The following SORCS2 variants were observed in gnomAD, a reference collection of about 807,000 sequenced individuals.
SORCS2 encodes the protein VPS10 domain-containing receptor SorCS2.
A neutral mutation model predicts 141.6 loss-of-function variants in SORCS2; 100 were observed. The ratio of observed to expected loss-of-function variants is 0.71; its 90% confidence interval spans 0.60 to 0.83. The LOEUF is 0.83. Ranked by LOEUF, SORCS2 falls within the 40% of genes least tolerant of loss-of-function variation. The pLI, the probability that SORCS2 is intolerant of heterozygous loss-of-function variation, is 0.00. For synonymous variants in SORCS2, 789 were observed against 676.9 expected (o/e 1.17, Z -2.57); for missense variants, 1,646 against 1,560.2 (o/e 1.05, Z -0.93).
intron 3 of SORCS2, among the ~76,000 whole-genome samples, chr4:7,586,734 A>T (rs534804650): frequency 1.1e-4 from 17 of 152,254 alleles, no homozygotes; most frequent in African/African-American, 3.9e-4. Context: ...TCTATCATGG[A>T]TGGGCATTTG....
At chr4:7,646,683 C>T (rs147574800) in intron 4 of SORCS2, among the ~76,000 whole-genome samples, 6 of 152,210 alleles carry the variant, frequency 3.9e-5, no homozygotes, top group Middle Eastern at 3.4e-3. Flanking sequence ...CACATAAAGA[C>T]GAGGGAGAAG....
intron 10 of SORCS2, among the ~76,000 whole-genome samples, chr4:7,685,382 A>G (rs1294703447): frequency 6.6e-6 from 1 of 152,174 alleles, no homozygotes; most frequent in African/African-American, 2.4e-5. Context: ...ATCAAATTAC[A>G]GCCTCACGGG....
chr4:7,630,150 A>C (rs1719788993), intron 3 of SORCS2, among the ~76,000 whole-genome samples: 1 of 152,162 alleles, frequency 6.6e-6, no homozygotes, highest in African/African-American at 2.4e-5. Context: ...GTTCATACGC[A>C]GACTGTGAGG....
chr4:7,418,221 T>C (rs1352685956), intron 2 of SORCS2, among the ~76,000 whole-genome samples: 1 of 152,232 alleles, frequency 6.6e-6, no homozygotes, highest in Non-Finnish European at 1.5e-5. Context: ...ACACAGCCTC[T>C]GTCCCCATGG....
intron 25 of SORCS2, among the ~76,000 whole-genome samples, chr4:7,735,063 C>G (rs2148900658): frequency 6.6e-6 from 1 of 152,378 alleles, no homozygotes; most frequent in Non-Finnish European, 1.5e-5. Flanking sequence ...AGGGGCTGGA[C>G]AACTTGAAGT....
At chr4:7,600,075 G>C (rs1442133350) in intron 3 of SORCS2, among the ~76,000 whole-genome samples, 1 of 152,030 alleles carries the variant, frequency 6.6e-6, no homozygotes, top group East Asian at 1.9e-4. Flanking sequence ...ACCCACCTTG[G>C]CCTCCCAAAC....
At chr4:7,429,111 C>G (rs1489827442) in intron 2 of SORCS2, among the ~76,000 whole-genome samples, 2 of 152,186 alleles carry the variant, frequency 1.3e-5, no homozygotes, top group Non-Finnish European at 2.9e-5. Context: ...TGACTTTTGA[C>G]TTGGTGCACT....
At chr4:7,216,735 T>C (rs1397245317) in intron 1 of SORCS2, among the ~76,000 whole-genome samples, 1 of 152,026 alleles carries the variant, frequency 6.6e-6, no homozygotes, top group Non-Finnish European at 1.5e-5. Context: ...CAGGCTCCTC[T>C]CCCTTCCCTA....
chr4:7,360,471 C>A (rs1228520843), intron 1 of SORCS2, among the ~76,000 whole-genome samples: 1 of 151,660 alleles, frequency 6.6e-6, no homozygotes, highest in African/African-American at 2.4e-5. Flanking sequence ...GGATGGCTCT[C>A]CCTGAGGCTG....
chr4:7,402,483 C>T (rs1197056111), intron 2 of SORCS2, among the ~76,000 whole-genome samples: 1 of 152,138 alleles, frequency 6.6e-6, no homozygotes, highest in Admixed American at 6.5e-5. Context: ...TTTATGTGCC[C>T]AACTTTGTTT....
At chr4:7,622,638 A>G (rs1420323425) in intron 3 of SORCS2, among the ~76,000 whole-genome samples, 1 of 152,074 alleles carries the variant, frequency 6.6e-6, no homozygotes, top group African/African-American at 2.4e-5. Context: ...CTCTGTCATG[A>G]GTGCTCTGGC....
chr4:7,314,631 A>T (rs1420947047), intron 1 of SORCS2, among the ~76,000 whole-genome samples: 2 of 151,930 alleles, frequency 1.3e-5, no homozygotes, highest in African/African-American at 4.8e-5. Context: ...GAGCCACCGC[A>T]CCCGGCCAAT....
At position 7,286,622 on chromosome 4, in the gene SORCS2, A is replaced by G. The variant is rs1409574498; in HGVS notation, c.480+93496A>G. ...CCCCCGTATCTTACGGATGGAGGAC[A>G]CAGGCCCAGGGAGGGAGGTGCTCAT... On this transcript the variant is annotated intron_variant, in intron 1 of 26. Coordinates refer to ENST00000507866, the MANE Select transcript of SORCS2 (RefSeq NM_020777.3). This position sits in a 1 kb window ranked among gnomAD's most constrained non-coding sequence, Gnocchi z 4.1. Among the ~76,000 whole-genome samples the G allele has an allele frequency of 6.6e-6, 1 of 152,176 alleles. No individual in the cohort carries two copies. The highest frequency in any genetic ancestry group is 1.5e-5 in the Non-Finnish European group (1 of 68,030).
At chr4:7,309,177 C>T (rs958047394) in intron 1 of SORCS2, among the ~76,000 whole-genome samples, 6 of 152,292 alleles carry the variant, frequency 3.9e-5, no homozygotes, top group South Asian at 4.1e-4. Flanking sequence ...TGGCACCTCC[C>T]GTGCTGCAGG....
intron 3 of SORCS2, among the ~76,000 whole-genome samples, chr4:7,565,105 C>A (rs1254975356): frequency 1.3e-5 from 2 of 152,188 alleles, no homozygotes; most frequent in African/African-American, 4.8e-5. Flanking sequence ...GGCTTCCTGG[C>A]ATTTCTGGAT....
At chr4:7,612,603 C>T (rs576144444) in intron 3 of SORCS2, among the ~76,000 whole-genome samples, 58 of 152,278 alleles carry the variant, frequency 3.8e-4, no homozygotes, top group African/African-American at 1.3e-3. Flanking sequence ...CTGGGCCCCA[C>T]GCAGTGACTC....
At chr4:7,434,617 A>G (rs377578215) in intron 2 of SORCS2, 1 of 1,613,332 alleles carries the variant, frequency 6.2e-7, no homozygotes, top group African/African-American at 1.3e-5. Context: ...CACCAAAGCC[A>G]GGATGTCAGA....
intron 5 of SORCS2, 43 bp from the exon 6 acceptor site, chr4:7,661,457 G>A: frequency 6.5e-7 from 1 of 1,547,966 alleles, no homozygotes; most frequent in Non-Finnish European, 8.7e-7. Context: ...GGACGGGCAT[G>A]GTGACTCCAT....
rs572904055 is a variant in SORCS2, at chr4:7,523,498, G to C, written c.549-8032G>C. Among the ~76,000 whole-genome samples, 8 of 152,232 alleles carry C rather than the reference G, an allele frequency of 5.3e-5. No homozygotes were observed. In the East Asian group the frequency reaches 1.6e-3, roughly 30 times the overall value. On this transcript the variant is annotated intron_variant, in intron 2 of 26. Coordinates refer to ENST00000507866, the MANE Select transcript of SORCS2 (RefSeq NM_020777.3). ...GGGAGATCTGTGTGGGCTTCAGGAG[G>C]GGGTAGTACTGGGTTTGGAGTTGAT... is the stretch of plus-strand genomic sequence containing the variant.
Sources: gnomAD v4.1 joint callset for allele counts (sites outside exome capture counted in the v4.1 genomes callset) on GRCh38, gnomAD v4.1.1 for gene constraint, Gnocchi (gnomAD v3.1) non-coding constraint, MANE v1.5 for transcripts, NCBI Gene and HGNC (gene_info 2026-07-23, HGNC 2026-07-21) for gene names.